Variants in DGKB observed in about 807,000 individuals in gnomAD.
DGKB encodes diacylglycerol kinase beta.
Under a neutral mutation model 114.3 loss-of-function variants are expected in DGKB, and 67 were observed. The ratio of observed to expected loss-of-function variants is 0.59; its 90% CI spans 0.48 to 0.72. The LOEUF (loss-of-function observed/expected upper bound fraction) is 0.72, where lower values mean the gene tolerates loss of function less well. Ranked by LOEUF, DGKB falls within the 30% of genes least tolerant of loss-of-function variation. The pLI, the probability that DGKB is intolerant of heterozygous loss-of-function variation, is 0.00. For missense variants in DGKB, 907 were observed against 975.2 expected, an observed-to-expected ratio of 0.93 and a Z score of 0.93; for synonymous variants, 398 against 323.1, an observed-to-expected ratio of 1.23 and a Z score of -2.49.
chr7:14,160,329 C>A, intron 25 of DGKB, among the ~76,000 whole-genome samples: 1 of 152,142 alleles, frequency 6.6e-6, no homozygotes, highest in East Asian at 1.9e-4. Context: ...GAGAGGAAGT[C>A]AAATTGTCTC....
intron 20 of DGKB, among the ~76,000 whole-genome samples, chr7:14,535,399 G>C (rs1227015858): frequency 6.8e-6 from 1 of 146,080 alleles, no homozygotes; most frequent in Non-Finnish European, 1.5e-5. Context: ...AAAAAAGAAA[G>C]AAAGAAAGAA....
At chr7:14,619,047 T>A (rs1034901016) in intron 15 of DGKB, among the ~76,000 whole-genome samples, 12 of 151,698 alleles carry the variant, frequency 7.9e-5, no homozygotes, top group African/African-American at 2.6e-4. Context: ...ATTCTTTTAT[T>A]TTTTTTCTCC....
intron 22 of DGKB, among the ~76,000 whole-genome samples, chr7:14,343,200 A>C (rs75885169): frequency 0.034 from 1,845 of 54,624 alleles, 42 homozygotes; most frequent in African/African-American, 0.082. Flanking sequence ...CACACACACA[A>C]CAAGATATGC....
intron 23 of DGKB, among the ~76,000 whole-genome samples, chr7:14,318,891 TG>T (rs1807165822): frequency 1.3e-5 from 2 of 152,266 alleles, no homozygotes; most frequent in East Asian, 3.9e-4. Context: ...CCAACCCAAA[TG>T]TCCCACAATG....
intron 23 of DGKB, among the ~76,000 whole-genome samples, chr7:14,328,305 T>C (rs1421882145): frequency 3.3e-5 from 5 of 152,094 alleles, no homozygotes; most frequent in African/African-American, 9.6e-5. Flanking sequence ...TTCTTCGTTA[T>C]TCAATATTTT....
At chr7:14,470,914 T>C (rs1054027221) in intron 21 of DGKB, among the ~76,000 whole-genome samples, 1 of 151,524 alleles carries the variant, frequency 6.6e-6, no homozygotes, top group African/African-American at 2.4e-5. Flanking sequence ...AAATAATTTC[T>C]CAATGGTACT....
At chr7:14,312,281 G>C (rs1468309672) in intron 23 of DGKB, among the ~76,000 whole-genome samples, 2 of 152,088 alleles carry the variant, frequency 1.3e-5, no homozygotes, top group East Asian at 3.9e-4. Context: ...CTGCAAATGT[G>C]GTCTTTGAAT....
At chr7:14,877,636 T>C (rs980681664) in intron 1 of DGKB, among the ~76,000 whole-genome samples, 1 of 152,246 alleles carries the variant, frequency 6.6e-6, no homozygotes, top group African/African-American at 2.4e-5. Flanking sequence ...CATCACCCTG[T>C]GAGGTTTGCG....
chr7:14,258,128 CA>C (rs111317462), intron 23 of DGKB, among the ~76,000 whole-genome samples: 11 of 152,292 alleles, frequency 7.2e-5, no homozygotes, highest in African/African-American at 2.6e-4. Context: ...ACATATTTAA[CA>C]GAAAAATTTC....
rs183323736 is a variant in DGKB at position 14,516,260 on chromosome 7, C to T, written c.1771-38035G>A. Among the ~76,000 whole-genome samples the T allele has an allele frequency of 2.6e-4, 40 of 152,156 alleles. No individual in the cohort carries two copies. The East Asian group carries it at 7.2e-3, about 27-fold the overall frequency. On this transcript the variant is annotated intron_variant, in intron 20 of 25. Transcript: ENST00000402815. ...TCAGCAAATGAAACAAAAAAGTAAACTTTAAAGAAGTACATATTTAAACAA... is the reference window on the plus strand; with the variant it reads ...TCAGCAAATGAAACAAAAAAGTAAATTTTAAAGAAGTACATATTTAAACAA...
At chr7:14,960,090 G>C (rs1262674190) in intron 1 of DGKB, among the ~76,000 whole-genome samples, 1 of 150,046 alleles carries the variant, frequency 6.7e-6, no homozygotes, top group Non-Finnish European at 1.5e-5. Context: ...GTACCTCAGT[G>C]TGACTTTTGG....
rs529154471 is a variant in DGKB at position 14,928,627 on chromosome 7, C to A, written c.-188+46069G>T. ...GACCTCCTGTCAAAACAGAATCACA[C>A]AGTTTCTTTTTGTGTGTATGTTCAT... is the stretch of plus-strand genomic sequence containing the variant. On this transcript the variant is annotated intron_variant, in intron 1 of 4. Coordinates refer to the DGKB transcript ENST00000437998. Among the ~76,000 whole-genome samples, 4 of 151,940 alleles carry A rather than the reference C, an allele frequency of 2.6e-5. No homozygotes were observed. The East Asian group carries it at 7.7e-4, about 29-fold the overall frequency.
chr7:14,244,506 G>GA (rs57784751), intron 23 of DGKB, among the ~76,000 whole-genome samples: 12 of 149,868 alleles, frequency 8.0e-5, no homozygotes, highest in East Asian at 2.0e-4. Context: ...AGTACAAAAA[G>GA]AAAAAAAAAG....
chr7:14,646,763 G>T lies in DGKB; in HGVS notation c.1135-16495C>A, dbSNP rs573070731. Among the ~76,000 whole-genome samples, 3 of 109,250 alleles carry T rather than the reference G, an allele frequency of 2.7e-5. No homozygotes were observed. In the East Asian group the frequency reaches 6.4e-4, roughly 23 times the overall value. 71.7% of individuals were successfully genotyped at this position (109,250 alleles called of 152,430 possible). A position where few individuals can be genotyped will look rare whatever the true frequency, so the allele number is the denominator to read the frequency against. ...ACAAACAGGTCAATAAGGAAATTAA[G>T]AAGAAAGTAAAAAAAATTCTTGAAG... On this transcript the variant is annotated intron_variant, in intron 13 of 25. Transcript: ENST00000402815.
intron 20 of DGKB, among the ~76,000 whole-genome samples, chr7:14,513,072 A>G (rs938104842): frequency 7.9e-5 from 12 of 152,128 alleles, no homozygotes; most frequent in African/African-American, 2.7e-4. Flanking sequence ...AAAAGATTAT[A>G]TAATTTCTGT....
At chr7:14,344,894 T>C (rs1230268263) in intron 22 of DGKB, among the ~76,000 whole-genome samples, 1 of 151,728 alleles carries the variant, frequency 6.6e-6, no homozygotes, top group East Asian at 1.9e-4. Flanking sequence ...TAACCTTTAT[T>C]CATAAAAGTA....
chr7:14,757,509 C>T, intron 3 of DGKB, 146 bp downstream of exon 3: 2 of 515,796 alleles, frequency 3.9e-6, no homozygotes, highest in Non-Finnish European at 7.0e-6. Context: ...TACACATATA[C>T]ATACATCTGT....
intron 13 of DGKB, among the ~76,000 whole-genome samples, chr7:14,670,935 A>C (rs1818860722): frequency 6.6e-6 from 1 of 152,184 alleles, no homozygotes. Flanking sequence ...TTTACTGAAT[A>C]AATTAAATAA....
upstream of DGKB, chr7:14,902,909 A>C (rs1298180933): frequency 6.6e-6 from 1 of 152,090 alleles, no homozygotes; most frequent in African/African-American, 2.4e-5. Flanking sequence ...ATTTGCAACT[A>C]AAAAACAGCG....
Sources: allele counts gnomAD v4.1 joint callset (sites outside exome capture counted in the v4.1 genomes callset), GRCh38; gene constraint gnomAD v4.1.1; transcripts MANE v1.5; gene names NCBI Gene and HGNC (gene_info 2026-07-23, HGNC 2026-07-21).